Variants in PRKAG2 observed in about 807,000 individuals in gnomAD.
PRKAG2 encodes the protein 5'-AMP-activated protein kinase subunit gamma-2.
In PRKAG2, 26 loss-of-function variants were observed where a neutral mutation model predicts 69.6. The observed-to-expected ratio is 0.37, with a 90% CI of 0.27 to 0.52. The LOEUF is 0.52. PRKAG2 is among the 20% of genes least tolerant of loss of function. The pLI is 0.90. For synonymous variants in PRKAG2, 293 were observed against 285.0 expected, an observed-to-expected ratio of 1.03 and a Z score of -0.28; for missense variants, 557 against 740.0, an observed-to-expected ratio of 0.75 and a Z score of 2.87.
At chr7:151,805,937 G>A (rs750121996) in intron 1 of PRKAG2, among the ~76,000 whole-genome samples, 8 of 152,298 alleles carry the variant, frequency 5.3e-5, no homozygotes, top group Middle Eastern at 3.4e-3. Context: ...AGTGGCTCAC[G>A]CCTATAGTCC....
intron 3 of PRKAG2, among the ~76,000 whole-genome samples, chr7:151,707,892 A>T (rs1454368157): frequency 2.0e-5 from 3 of 152,222 alleles, no homozygotes; most frequent in African/African-American, 7.2e-5. Flanking sequence ...CACCGGCCCC[A>T]AGGCAGGAAA....
intron 3 of PRKAG2, among the ~76,000 whole-genome samples, chr7:151,779,827 C>T (rs1198188316): frequency 2.6e-5 from 4 of 152,178 alleles, no homozygotes; most frequent in Admixed American, 6.5e-5. Flanking sequence ...GGAGCCCTCA[C>T]GCAGCTTTCC....
At chr7:151,795,874 T>G (rs4076595) in intron 1 of PRKAG2, among the ~76,000 whole-genome samples, 1 of 112,108 alleles carries the variant, frequency 8.9e-6, no homozygotes, top group African/African-American at 3.7e-5. Flanking sequence ...TATATATATA[T>G]ATATATATAT....
At chr7:151,663,012 G>C (rs1830540278) in intron 4 of PRKAG2, among the ~76,000 whole-genome samples, 2 of 152,180 alleles carry the variant, frequency 1.3e-5, no homozygotes, top group African/African-American at 4.8e-5. Flanking sequence ...TGGATCACCT[G>C]AGGTCAGGAG....
intron 1 of PRKAG2, among the ~76,000 whole-genome samples, chr7:151,789,963 A>T (rs938240777): frequency 6.6e-6 from 1 of 152,180 alleles, no homozygotes. Flanking sequence ...CAGCCCAGGC[A>T]GAGGGTTTGT....
intron 2 of PRKAG2, 91 bp downstream of exon 2, chr7:151,786,379 G>A: frequency 7.8e-7 from 1 of 1,274,392 alleles, no homozygotes; most frequent in Non-Finnish European, 1.1e-6. Context: ...GGGCGTGAGG[G>A]TGAACACACA....
rs878855019 is a variant in PRKAG2 at position 151,786,495 on chromosome 7, C to T, written c.161G>A (p.Gly54Asp). The T allele has an allele frequency of 3.1e-6, 5 of 1,612,792 alleles. No homozygotes were observed. The African/African-American group carries it at 4.0e-5, about 13-fold the overall frequency. Residue 54 changes from glycine (G) to aspartate (D), a missense_variant, in exon 2 of 16, where the codon GGT becomes GAT. This residue lies in a region of PRKAG2 where 352 missense variants were observed against 356.7 expected (regional missense o/e 0.99). Transcript: ENST00000287878. ...CTTTCGAGAGGAATGCTTTCCGGAA[C>T]CCTCCAGGTCTCCGTCCAGGAGCGG... ...AMPLLDGDLE[G>D]SGKHSSRKVD...
chr7:151,781,226 G>C lies in PRKAG2; in HGVS notation c.392C>G (p.Ser131Cys). ...MSFSGIFRSSSKESSPNSNPA... is the reference protein window; with the variant it reads ...MSFSGIFRSSCKESSPNSNPA... ...GTTGGAGTTGGGGGAAGACTCTTTGGAGGAGGAGCGGAAGATCCCACTGAA... is the reference window on the plus strand; with the variant it reads ...GTTGGAGTTGGGGGAAGACTCTTTGCAGGAGGAGCGGAAGATCCCACTGAA... The change falls in exon 3 of 16, where the codon TCC (serine) becomes TGC (cysteine). Residue 131 changes from serine to cysteine, a missense_variant. Physicochemically the swap from Ser to Cys is moderately radical, Grantham distance 112 (BLOSUM62 -1). Around this residue, in one of 2 missense-constraint regions of PRKAG2, gnomAD observed 352 missense variants for 356.7 expected, o/e 0.99. Coordinates refer to ENST00000287878, the MANE Select transcript of PRKAG2 (RefSeq NM_016203.4). This position sits in a 1 kb window ranked among gnomAD's most constrained non-coding sequence, Gnocchi z 6.1. 6.2e-7 allele frequency: 1 copy of C among 1,614,100 alleles called. No homozygotes were observed. The highest frequency in any genetic ancestry group is 8.5e-7 in the Non-Finnish European group (1 of 1,180,042).
rs76279415 is a variant in PRKAG2, at chr7:151,745,990, C to T, written c.466+35162G>A. Among the ~76,000 whole-genome samples, 845 of 152,334 alleles carry T rather than the reference C, an allele frequency of 5.5e-3. 2 individuals carry two copies. The highest frequency in any genetic ancestry group is 9.0e-3 in the Non-Finnish European group (610 of 68,030). The stretch of plus-strand genomic sequence containing the variant: ...CGCAGAAGCTGAGCGCTGGGCTCAA[C>T]GGGGGCCACCAAGCAATGGCTTCTG... On this transcript the variant is annotated intron_variant, in intron 3 of 15. Coordinates refer to ENST00000287878, the MANE Select transcript of PRKAG2 (RefSeq NM_016203.4).
intron 1 of PRKAG2, among the ~76,000 whole-genome samples, chr7:151,816,354 T>G (rs2078640547): frequency 6.6e-6 from 1 of 152,128 alleles, no homozygotes; most frequent in African/African-American, 2.4e-5. Context: ...GTCCGTAGAA[T>G]GAGCCATGTG....
intron 3 of PRKAG2, among the ~76,000 whole-genome samples, chr7:151,755,652 GT>G (rs1324430280): frequency 1.3e-5 from 2 of 152,362 alleles, no homozygotes; most frequent in East Asian, 3.9e-4. Context: ...TGCACCATTA[GT>G]TTATACTTTG....
rs1368787114 is a variant in PRKAG2, at chr7:151,736,078, G to A, written c.466+45074C>T. 7.9e-6 allele frequency: 12 copies of A among 1,528,600 alleles called. No homozygotes were observed. In the South Asian group the frequency reaches 1.2e-4, roughly 15 times the overall value. The allele number at this position is 1,528,600 out of a possible 1,614,324, so 94.7% of individuals were successfully genotyped here. A position where few individuals can be genotyped will look rare whatever the true frequency, so the allele number is the denominator to read the frequency against. On this transcript the variant is annotated intron_variant, in intron 3 of 15. Transcript: ENST00000287878. Reference sequence around the variant, plus strand: ...GTCAGCCCCAGGTGGCCGGGAGCCAGAGGAGCATCAGCCCGACAGGCACAG... The same window carrying A: ...GTCAGCCCCAGGTGGCCGGGAGCCAAAGGAGCATCAGCCCGACAGGCACAG...
chr7:151,806,647 G>A (rs985400797), intron 1 of PRKAG2: 10 of 188,116 alleles, frequency 5.3e-5, no homozygotes, highest in Non-Finnish European at 1.0e-4. Flanking sequence ...GGAGGAGACA[G>A]AAGGAGTCTT....
At chr7:151,696,794 C>A (rs1295093881) in intron 3 of PRKAG2, among the ~76,000 whole-genome samples, 1 of 152,200 alleles carries the variant, frequency 6.6e-6, no homozygotes, top group Non-Finnish European at 1.5e-5. Flanking sequence ...TGAAAAGGGG[C>A]AGCTGAAGGG....
chr7:151,572,565 G>T lies in PRKAG2; in HGVS notation c.1051+99C>A, dbSNP rs149999758. 8.1e-5 allele frequency: 69 copies of T among 853,622 alleles called. No individual in the cohort carries two copies. In the African/African-American group the frequency reaches 1.0e-3, roughly 13 times the overall value. 52.9% of individuals were successfully genotyped at this position (853,622 alleles called of 1,614,324 possible). A position where few individuals can be genotyped will look rare whatever the true frequency, so the allele number is the denominator to read the frequency against. ...GAGAATGTTTTATATAACATTTTAT[G>T]GAGCAGAGAGAAAAGGATCTGCAAA... On this transcript the variant is annotated intron_variant, in intron 9 of 15. Coordinates refer to ENST00000287878, the MANE Select transcript of PRKAG2 (RefSeq NM_016203.4).
intron 1 of PRKAG2, among the ~76,000 whole-genome samples, chr7:151,825,157 T>A (rs2078879701): frequency 6.6e-6 from 1 of 152,150 alleles, no homozygotes; most frequent in Non-Finnish European, 1.5e-5. Context: ...GAGGTTGCAG[T>A]GAGCTGAGAT....
chr7:151,558,428 T>C (rs1424937298), intron 15 of PRKAG2: 10 of 985,186 alleles, frequency 1.0e-5, no homozygotes, highest in South Asian at 4.7e-5. Context: ...CATAGCAACA[T>C]AGGAGGGAGA....
chr7:151,568,859 T>C lies in PRKAG2; in HGVS notation c.1107-17A>G. ...TCGAAGAGGCTGTGGGAGAAGTCAT[T>C]AAAGTTGTTAGGAGGCTTTCGAGAA... On this transcript the variant is annotated splice_polypyrimidine_tract_variant and intron_variant, in intron 10 of 15. Coordinates refer to ENST00000287878, the MANE Select transcript of PRKAG2 (RefSeq NM_016203.4). 2 of 1,613,204 alleles carry C rather than the reference T, an allele frequency of 1.2e-6. No individual in the cohort carries two copies. The highest frequency in any genetic ancestry group is 1.7e-6 in the Non-Finnish European group (2 of 1,179,502).
intron 3 of PRKAG2, among the ~76,000 whole-genome samples, chr7:151,712,026 A>T (rs536596320): frequency 1.2e-4 from 18 of 152,246 alleles, no homozygotes; most frequent in African/African-American, 4.3e-4. Flanking sequence ...GTGATGGAGG[A>T]GGTGTACAGA....
Sources: allele counts gnomAD v4.1 joint callset (sites outside exome capture counted in the v4.1 genomes callset), GRCh38; gene constraint gnomAD v4.1.1; regional missense constraint gnomAD v4.1.1; non-coding constraint Gnocchi (gnomAD v3.1); transcripts MANE v1.5; gene names NCBI Gene and HGNC (gene_info 2026-07-23, HGNC 2026-07-21).